PRKG1: variants seen among roughly 807,000 people sequenced by gnomAD.
PRKG1 encodes the protein cGMP-dependent protein kinase 1.
A neutral mutation model predicts 88.1 loss-of-function variants in PRKG1; 35 were observed. The ratio of observed to expected loss-of-function variants is 0.40; its 90% CI spans 0.30 to 0.53. The LOEUF is 0.53. Ranked by LOEUF, PRKG1 falls within the 20% of genes least tolerant of loss-of-function variation. The pLI is 0.59. For synonymous variants in PRKG1, 303 were observed against 292.5 expected (o/e 1.04, Z -0.37); for missense variants, 540 against 839.8 (o/e 0.64, Z 4.41).
At chr10:52,171,713 G>C (rs1838681598) in intron 9 of PRKG1, among the ~76,000 whole-genome samples, 1 of 51,172 alleles carries the variant, frequency 2.0e-5, no homozygotes, top group Non-Finnish European at 3.3e-5. Flanking sequence ...TGATTCAGTT[G>C]CTTTTTTAAA....
At chr10:52,011,545 C>T (rs1450204817) in intron 5 of PRKG1, among the ~76,000 whole-genome samples, 1 of 152,132 alleles carries the variant, frequency 6.6e-6, no homozygotes, top group Non-Finnish European at 1.5e-5. Context: ...GCTTGCATCA[C>T]CAAGTTCATC....
intron 5 of PRKG1, among the ~76,000 whole-genome samples, chr10:52,023,297 T>G (rs1370131302): frequency 6.6e-6 from 1 of 152,246 alleles, no homozygotes; most frequent in African/African-American, 2.4e-5. Flanking sequence ...TGCCACATTT[T>G]CTTTATCCAG....
chr10:52,049,837 C>A (rs1845944603), intron 5 of PRKG1, among the ~76,000 whole-genome samples: 1 of 151,972 alleles, frequency 6.6e-6, no homozygotes, highest in African/African-American at 2.4e-5. Context: ...GTTCCAAGCA[C>A]AAGGTTAGGC....
intron 3 of PRKG1, among the ~76,000 whole-genome samples, chr10:51,498,939 C>A (rs1840944363): frequency 6.7e-6 from 1 of 150,346 alleles, no homozygotes; most frequent in Admixed American, 6.6e-5. Context: ...CACATATACA[C>A]AAGGAAAACA....
intron 1 of PRKG1, among the ~76,000 whole-genome samples, chr10:51,129,920 A>G (rs901030294): frequency 6.6e-6 from 1 of 152,164 alleles, no homozygotes; most frequent in African/African-American, 2.4e-5. Context: ...TTCCAAAGAC[A>G]GTGGAGTTTC....
intron 3 of PRKG1, among the ~76,000 whole-genome samples, chr10:51,496,223 A>G (rs1051049009): frequency 1.3e-5 from 2 of 152,138 alleles, no homozygotes; most frequent in African/African-American, 2.4e-5. Flanking sequence ...CTTATGACTG[A>G]CTCAATGTGT....
At chr10:52,193,555 A>AC (rs1243179149) in intron 9 of PRKG1, among the ~76,000 whole-genome samples, 2 of 27,396 alleles carry the variant, frequency 7.3e-5, no homozygotes, top group Non-Finnish European at 2.3e-4. Context: ...TCTCAAAAAA[A>AC]AAAAAAACAA....
rs539202195 is a variant in PRKG1 at position 52,014,180 on chromosome 10, A to G, written c.763-40304A>G. 5.3e-5 allele frequency among the ~76,000 whole-genome samples: 8 copies of G among 152,300 alleles called. No homozygotes were observed. The South Asian group carries it at 1.7e-3, about 32-fold the overall frequency. On this transcript the variant is annotated intron_variant, in intron 5 of 17. Transcript: ENST00000373980. ...GTTAGTCTACTTGCACATTGCTATAAAGAAACTACCTGAGACTGGGTAATT... is the reference window on the plus strand; with the variant it reads ...GTTAGTCTACTTGCACATTGCTATAGAGAAACTACCTGAGACTGGGTAATT...
intron 3 of PRKG1, among the ~76,000 whole-genome samples, chr10:51,645,967 A>G (rs767267983): frequency 6.6e-6 from 1 of 152,232 alleles, no homozygotes; most frequent in Non-Finnish European, 1.5e-5. Context: ...TATAATATGC[A>G]TAACATCAAG....
At chr10:51,360,546 A>C (rs1303804357) in intron 2 of PRKG1, among the ~76,000 whole-genome samples, 1 of 151,964 alleles carries the variant, frequency 6.6e-6, no homozygotes, top group Non-Finnish European at 1.5e-5. Context: ...GGCAATTCAG[A>C]TAGTGATAGC....
Position 51,579,584 on chromosome 10 carries a change from T to G in PRKG1, c.592+111748T>G, listed in dbSNP as rs141861231. ...TTATACCATATTTACCAATTTTTAT[T>G]TGGAATACAAAGTCACAAATGGAAG... On this transcript the variant is annotated intron_variant, in intron 3 of 17. Transcript: ENST00000373980. Among the ~76,000 whole-genome samples, 703 of 152,268 alleles carry G rather than the reference T, an allele frequency of 4.6e-3. 7 individuals carry two copies. Among genetic ancestry groups the G allele is most frequent in the African/African-American group, 0.016 (661 of 41,570 alleles).
chr10:51,035,454 GTCAGGGTAAAA>G (rs1258280512), intron 1 of PRKG1, among the ~76,000 whole-genome samples: 1 of 152,130 alleles, frequency 6.6e-6, no homozygotes, highest in Non-Finnish European at 1.5e-5. Context: ...CGGTTGTAGT[GTCAGGGTAAAA>G]TCAGTTATAG....
At chr10:51,630,109 G>T (rs1181654228) in intron 3 of PRKG1, among the ~76,000 whole-genome samples, 2 of 152,128 alleles carry the variant, frequency 1.3e-5, no homozygotes, top group Non-Finnish European at 2.9e-5. Context: ...GAAATGTGCT[G>T]CCAGTGATGA....
At chr10:51,232,888 T>A (rs1415828013) in intron 2 of PRKG1, among the ~76,000 whole-genome samples, 1 of 152,146 alleles carries the variant, frequency 6.6e-6, no homozygotes, top group Non-Finnish European at 1.5e-5. Flanking sequence ...TATGATTAGT[T>A]AGTCAGGGAT....
intron 3 of PRKG1, among the ~76,000 whole-genome samples, chr10:51,793,577 A>T (rs751373439): frequency 7.2e-5 from 11 of 152,076 alleles, no homozygotes; most frequent in Non-Finnish European, 1.2e-4. Context: ...GCCAAATAAG[A>T]CTACTGTAAG....
intron 9 of PRKG1, among the ~76,000 whole-genome samples, chr10:52,229,799 C>T (rs575131585): frequency 6.6e-6 from 1 of 152,026 alleles, no homozygotes; most frequent in African/African-American, 2.4e-5. Flanking sequence ...TGTGATGACT[C>T]GTAAATTCCA....
chr10:51,430,557 T>C (rs1326284685), intron 2 of PRKG1, among the ~76,000 whole-genome samples: 1 of 152,212 alleles, frequency 6.6e-6, no homozygotes, highest in Non-Finnish European at 1.5e-5. Context: ...TTTTGCAGTT[T>C]CTTAAATAAA....
At chr10:51,376,941 T>C (rs1842829798) in intron 2 of PRKG1, among the ~76,000 whole-genome samples, 1 of 152,198 alleles carries the variant, frequency 6.6e-6, no homozygotes, top group African/African-American at 2.4e-5. Flanking sequence ...ACTCCCAAAC[T>C]GCTGGGAGTA....
intron 4 of PRKG1, among the ~76,000 whole-genome samples, chr10:51,854,390 G>A (rs1840629821): frequency 6.6e-6 from 1 of 152,104 alleles, no homozygotes; most frequent in Admixed American, 6.5e-5. Flanking sequence ...ATATTTGTCT[G>A]TCACCCAGTA....
Sources: gnomAD v4.1 joint callset for allele counts (sites outside exome capture counted in the v4.1 genomes callset) on GRCh38, gnomAD v4.1.1 for gene constraint, MANE v1.5 for transcripts, NCBI Gene and HGNC (gene_info 2026-07-23, HGNC 2026-07-21) for gene names.